NRXN3: variants seen among roughly 807,000 people sequenced by gnomAD.
The protein encoded by NRXN3 is neurexin 3.
NRXN3 carries 32 observed loss-of-function variants against 137.6 expected under a neutral mutation model. The observed-to-expected ratio is 0.23, with a 90% CI of 0.18 to 0.31. NRXN3 has a LOEUF of 0.31. NRXN3 is among the 10% of genes least tolerant of loss of function. NRXN3 has a pLI of 1.00. For missense variants in NRXN3, 1,574 were observed against 2,062.5 expected (o/e 0.76, Z 4.59); for synonymous variants, 798 against 784.5 (o/e 1.02, Z -0.29).
intron 8 of NRXN3, among the ~76,000 whole-genome samples, chr14:78,795,036 G>T (rs2098817343): frequency 6.6e-6 from 1 of 152,154 alleles, no homozygotes; most frequent in Non-Finnish European, 1.5e-5. Flanking sequence ...TCAAGGTTAA[G>T]TGAGCTATGA....
At chr14:78,856,732 TA>T (rs2099058230) in intron 10 of NRXN3, among the ~76,000 whole-genome samples, 1 of 152,148 alleles carries the variant, frequency 6.6e-6, no homozygotes, top group African/African-American at 2.4e-5. Context: ...CATGCTGTTT[TA>T]TTTGTTTTTT....
chr14:79,064,731 A>G (rs534041902), intron 15 of NRXN3, among the ~76,000 whole-genome samples: 14,748 of 78,366 alleles, frequency 0.19, 859 homozygotes, highest in Middle Eastern at 0.3. Context: ...ACCCATATAT[A>G]TGTATATGTA....
chr14:79,635,571 G>A (rs1331678815), intron 16 of NRXN3, among the ~76,000 whole-genome samples: 6 of 152,156 alleles, frequency 3.9e-5, no homozygotes, highest in Non-Finnish European at 8.8e-5. Flanking sequence ...GCTGAAGACT[G>A]TAGAATCCTT....
At chr14:79,140,781 C>T (rs963085648) in intron 15 of NRXN3, among the ~76,000 whole-genome samples, 1 of 152,100 alleles carries the variant, frequency 6.6e-6, no homozygotes, top group East Asian at 1.9e-4. Context: ...TCCTTCCTTT[C>T]CCTCTACCTT....
chr14:78,749,996 C>T (rs1172013134), intron 8 of NRXN3, among the ~76,000 whole-genome samples: 1 of 152,192 alleles, frequency 6.6e-6, no homozygotes, highest in Non-Finnish European at 1.5e-5. Context: ...TTCCTTCAGC[C>T]TCCAAAAGCC....
intron 15 of NRXN3, among the ~76,000 whole-genome samples, chr14:79,210,301 C>A (rs1170878009): frequency 6.6e-6 from 1 of 152,142 alleles, no homozygotes; most frequent in Non-Finnish European, 1.5e-5. Flanking sequence ...GGAGAATATG[C>A]TTGTTTCACT....
At chr14:79,238,305 T>TGAA (rs72522758) in intron 15 of NRXN3, among the ~76,000 whole-genome samples, 3 of 151,706 alleles carry the variant, frequency 2.0e-5, no homozygotes, top group African/African-American at 4.8e-5. Context: ...ATTAGTTACA[T>TGAA]GCCCACAATA....
At chr14:78,783,191 C>A (rs755919393) in intron 8 of NRXN3, among the ~76,000 whole-genome samples, 1 of 152,104 alleles carries the variant, frequency 6.6e-6, no homozygotes, top group Non-Finnish European at 1.5e-5. Context: ...GAAATTATCA[C>A]CAGGAACAAG....
At chr14:78,979,916 C>T (rs767164801) in intron 14 of NRXN3, among the ~76,000 whole-genome samples, 17 of 152,134 alleles carry the variant, frequency 1.1e-4, no homozygotes, top group Non-Finnish European at 1.8e-4. Flanking sequence ...TACCTCCCAC[C>T]GGGCCCCTCC....
At chr14:79,364,637 T>C (rs2093810235) in intron 15 of NRXN3, among the ~76,000 whole-genome samples, 1 of 151,128 alleles carries the variant, frequency 6.6e-6, no homozygotes, top group Non-Finnish European at 1.5e-5. Context: ...ATAATAATAC[T>C]CTATTTTTCA....
At chr14:79,261,470 C>T (rs1350442336) in intron 15 of NRXN3, among the ~76,000 whole-genome samples, 4 of 152,070 alleles carry the variant, frequency 2.6e-5, no homozygotes, top group East Asian at 3.9e-4. Context: ...GATGAGGGGA[C>T]GTCTCATGGA....
chr14:79,528,218 A>G (rs1001269957), intron 16 of NRXN3, among the ~76,000 whole-genome samples: 7 of 152,162 alleles, frequency 4.6e-5, no homozygotes, highest in African/African-American at 1.7e-4. Context: ...GCCCAATAAT[A>G]TCAGATTGAT....
At chr14:79,475,232 A>G (rs1049939484) in intron 16 of NRXN3, among the ~76,000 whole-genome samples, 1 of 152,180 alleles carries the variant, frequency 6.6e-6, no homozygotes, top group African/African-American at 2.4e-5. Context: ...GAAATGTACA[A>G]TAATGCAATC....
intron 10 of NRXN3, among the ~76,000 whole-genome samples, chr14:78,867,741 T>A (rs1474058981): frequency 6.6e-6 from 1 of 152,104 alleles, no homozygotes; most frequent in Non-Finnish European, 1.5e-5. Context: ...TTACCCCCAG[T>A]TTATTAACAT....
chr14:78,657,642 G>A (rs964498604), intron 6 of NRXN3, among the ~76,000 whole-genome samples: 6 of 152,184 alleles, frequency 3.9e-5, no homozygotes, highest in African/African-American at 1.4e-4. Flanking sequence ...ATGGAGTTTT[G>A]CAGCCAGAGA....
intron 15 of NRXN3, among the ~76,000 whole-genome samples, chr14:79,380,784 A>C (rs2094449375): frequency 6.6e-6 from 1 of 152,136 alleles, no homozygotes. Context: ...GAACACTTTT[A>C]CACTGTTGGT....
At chr14:78,414,428 T>C (rs568990552) in intron 4 of NRXN3, among the ~76,000 whole-genome samples, 7 of 152,162 alleles carry the variant, frequency 4.6e-5, no homozygotes, top group Admixed American at 4.6e-4. Context: ...ACCAGGGGAG[T>C]TGTCCCTTTC....
chr14:78,585,966 A>G (rs914281605), intron 4 of NRXN3, among the ~76,000 whole-genome samples: 2 of 152,232 alleles, frequency 1.3e-5, no homozygotes, highest in East Asian at 3.8e-4. Context: ...GGAAGCGTAG[A>G]TAAATTGAGT....
intron 1 of NRXN3, among the ~76,000 whole-genome samples, chr14:78,192,065 AGTGTGTGTGTGTGTGTGTGT>A (rs34445474): frequency 7.0e-6 from 1 of 142,860 alleles, no homozygotes; most frequent in Non-Finnish European, 1.5e-5. Flanking sequence ...GCTGCCCGAA[AGTGTGTGTGTGTGTGTGTGT>A]GTGTGTGTGT....
Sources: allele counts gnomAD v4.1 joint callset (sites outside exome capture counted in the v4.1 genomes callset), GRCh38; gene constraint gnomAD v4.1.1; transcripts MANE v1.5; gene names NCBI Gene and HGNC (gene_info 2026-07-23, HGNC 2026-07-21).